Variants in PLEKHG5 observed in about 807,000 individuals in gnomAD.
PLEKHG5 encodes pleckstrin homology domain-containing family G member 5.
In PLEKHG5, 52 loss-of-function variants were observed where a neutral mutation model predicts 103.8. That is an observed-to-expected ratio of 0.50 (90% CI 0.40 to 0.63). The LOEUF is 0.63. Among genes scored for constraint, PLEKHG5 ranks in the 30% least tolerant of loss-of-function variants. PLEKHG5 has a pLI of 0.00. For synonymous variants in PLEKHG5, 592 were observed against 575.5 expected (o/e 1.03, Z -0.41); for missense variants, 1,205 against 1,347.6 (o/e 0.89, Z 1.66).
Position 6,475,940 on chromosome 1 carries a change from T to C in PLEKHG5, c.140A>G (p.Asp47Gly). 5 of 1,613,630 alleles carry C rather than the reference T, an allele frequency of 3.1e-6. No individual in the cohort carries two copies. Among genetic ancestry groups the C allele is most frequent in the Non-Finnish European group, 4.2e-6 (5 of 1,179,644 alleles). Reference protein sequence around the residue: ...LEEEEEESSVDGKGDRKSTGL... With the variant: ...LEEEEEESSVGGKGDRKSTGL... ...CTCATCCCTCACCTACCCTTTGCCA[T>C]CCACAGAGCTCTCCTCCTCCTCCTC... is the stretch of plus-strand genomic sequence containing the variant. The change falls in exon 3 of 21, where the codon GAT becomes GGT. Residue 47 changes from aspartate (D) to glycine (G), a missense_variant. Physicochemically the swap from Asp to Gly is moderately conservative, Grantham distance 94 (BLOSUM62 -1). Transcript: ENST00000377728.
upstream of PLEKHG5, chr1:6,497,271 G>GC: frequency 4.4e-6 from 4 of 910,810 alleles, no homozygotes; most frequent in East Asian, 2.8e-5. This position sits in a 1 kb window ranked among gnomAD's most constrained non-coding sequence, Gnocchi z 6.1. Flanking sequence ...AGCCGGCCCG[G>GC]CCCCCCAGGA....
chr1:6,475,898 A>T (rs750347984), intron 3 of PLEKHG5, 33 bp downstream of exon 3: 5 of 1,546,480 alleles, frequency 3.2e-6, no homozygotes, highest in Non-Finnish European at 3.6e-6. Context: ...GGGGCCCTCC[A>T]GGTATCTCTC....
intron 1 of PLEKHG5, chr1:6,485,184 C>T (rs1644997581): frequency 3.6e-6 from 2 of 551,278 alleles, no homozygotes; most frequent in South Asian, 6.9e-5. Context: ...GGCTCGGCCG[C>T]CATGGGCCGC....
Position 6,501,853 on chromosome 1 carries a change from C to T in PLEKHG5, c.-164-5284G>A, listed in dbSNP as rs1481475693. Among the ~76,000 whole-genome samples the T allele has an allele frequency of 6.6e-6, 1 of 152,220 alleles. No individual in the cohort carries two copies. Among genetic ancestry groups the T allele is most frequent in the African/African-American group, 2.4e-5 (1 of 41,458 alleles). On this transcript the variant is annotated intron_variant, in intron 1 of 21. Coordinates refer to the PLEKHG5 transcript ENST00000377740. This position sits in a 1 kb window ranked among gnomAD's most constrained non-coding sequence, Gnocchi z 4.3. ...CACTGGTCCCAGGCTGACACAAGTG[C>T]ATGGAAAACCACCTCGTTCTCATTT...
At chr1:6,483,057 G>C (rs1644941978) in intron 1 of PLEKHG5, among the ~76,000 whole-genome samples, 1 of 152,262 alleles carries the variant, frequency 6.6e-6, no homozygotes. Context: ...GGGTGTCTTA[G>C]GAGCGAGAGG....
In PLEKHG5 at chr1:6,470,791, T is replaced by G. The variant is rs773907311; in HGVS notation, c.1486A>C (p.Lys496Gln). Residue 496 changes from lysine to glutamine, a missense_variant, in exon 14 of 21, where the codon AAG (lysine) becomes CAG (glutamine). Lys to Gln is a moderately conservative substitution (Grantham distance 53, BLOSUM62 1). Transcript: ENST00000377728. ...TCCTCGGTCTTCCTCAGCACCGACTTGAGCAGCAGCGGGTACTTGGTGAGC... is the reference window on the plus strand; with the variant it reads ...TCCTCGGTCTTCCTCAGCACCGACTGGAGCAGCAGCGGGTACTTGGTGAGC... ...QRLTKYPLLL[K>Q]SVLRKTEEPR... 1 of 1,574,124 alleles carries G rather than the reference T, an allele frequency of 6.4e-7. No homozygotes were observed. Among genetic ancestry groups the G allele is most frequent in the Admixed American group, 1.8e-5 (1 of 54,198 alleles).
At position 6,515,565 on chromosome 1, in the gene PLEKHG5, A is replaced by ACCTATAAT. The variant is rs1638590448; in HGVS notation, c.-165+3872_-165+3879dup. Reference sequence around the variant, plus strand: ...TATGAGGTTGGGCATGGTTGTTCACACCTATAATCCCAGCACTTGGGAAGG... The same window carrying ACCTATAAT: ...TATGAGGTTGGGCATGGTTGTTCACACCTATAATCCTATAATCCCAGCACTTGGGAAGG... On this transcript the variant is annotated intron_variant, in intron 1 of 21. Transcript: ENST00000377740. 2.0e-5 allele frequency among the ~76,000 whole-genome samples: 3 copies of ACCTATAAT among 151,682 alleles called. No homozygotes were observed. In the East Asian group the frequency reaches 5.8e-4, roughly 29 times the overall value.
chr1:6,472,472 C>G, intron 10 of PLEKHG5, 55 bp downstream of exon 10: 1 of 1,210,580 alleles, frequency 8.3e-7, no homozygotes. Flanking sequence ...CAGCTGAGGG[C>G]TGTCAGAAAG....
intron 2 of PLEKHG5, among the ~76,000 whole-genome samples, chr1:6,476,646 T>C (rs986758578): frequency 6.6e-6 from 1 of 152,196 alleles, no homozygotes; most frequent in Non-Finnish European, 1.5e-5. Context: ...TCTGAGGTTA[T>C]TACAGGAAGG....
chr1:6,483,641 G>A (rs1031383542), intron 1 of PLEKHG5, among the ~76,000 whole-genome samples: 2 of 152,148 alleles, frequency 1.3e-5, no homozygotes, highest in African/African-American at 4.8e-5. Flanking sequence ...CTCCAGCCTG[G>A]GCGACACAGT....
intron 1 of PLEKHG5, among the ~76,000 whole-genome samples, chr1:6,515,135 CT>C (rs139725253): frequency 0.045 from 6,848 of 152,290 alleles, 463 homozygotes; most frequent in African/African-American, 0.14. Flanking sequence ...AGACAATGTG[CT>C]AAATGCTTTG....
At chr1:6,496,649 G>C, upstream of PLEKHG5, 2 of 1,034,592 alleles carry the variant, frequency 1.9e-6, no homozygotes, top group Non-Finnish European at 2.7e-6. Context: ...AACCGGAGGA[G>C]GGGTGGGGTG....
At chr1:6,496,899 G>T, upstream of PLEKHG5, 1 of 1,395,156 alleles carries the variant, frequency 7.2e-7, no homozygotes, top group Non-Finnish European at 9.4e-7. Context: ...TTCCCAGGGG[G>T]TCCCGGCAGG....
intron 1 of PLEKHG5, among the ~76,000 whole-genome samples, chr1:6,479,890 C>T (rs1274118760): frequency 1.3e-5 from 2 of 152,186 alleles, no homozygotes; most frequent in Non-Finnish European, 2.9e-5. Context: ...GGATTATAGG[C>T]ATGAGCCACT....
At chr1:6,472,337 A>C (rs1644615836) in intron 10 of PLEKHG5, among the ~76,000 whole-genome samples, 190 bp downstream of exon 10, 1 of 152,174 alleles carries the variant, frequency 6.6e-6, no homozygotes, top group South Asian at 2.1e-4. Context: ...GAACCTGACA[A>C]ACCTGCCCGA....
chr1:6,488,431 C>A (rs999341238), intron 1 of PLEKHG5, among the ~76,000 whole-genome samples: 1 of 152,188 alleles, frequency 6.6e-6, no homozygotes, highest in African/African-American at 2.4e-5. Flanking sequence ...CCTGAAGACA[C>A]GGCAGATCCC....
Position 6,467,551 on chromosome 1 carries a change from G to T in PLEKHG5, c.*12C>A, listed in dbSNP as rs771326239. The T allele has an allele frequency of 6.2e-7, 1 of 1,613,182 alleles. No homozygotes were observed. Among genetic ancestry groups the T allele is most frequent in the Non-Finnish European group, 8.5e-7 (1 of 1,179,544 alleles). ...CTCTTGGTCAATGGCACTCTTGGGG[G>T]CCTCCCTCTGCTCAGACCTCCCTAC... On this transcript the variant is annotated 3_prime_UTR_variant, in exon 21 of 21. Transcript: ENST00000377728.
chr1:6,479,185 A>G (rs1458481040), intron 1 of PLEKHG5, among the ~76,000 whole-genome samples: 1 of 151,446 alleles, frequency 6.6e-6, no homozygotes, highest in African/African-American at 2.4e-5. Context: ...CTATATTGAC[A>G]TTTTCCCAAG....
chr1:6,471,803 G>T lies in PLEKHG5; in HGVS notation c.1086C>A (p.Phe362Leu). ...CTTGCAGGTTCAGGAGGCAGCACAG[G>T]AACAGCTGTGGGATCAGGGGATGGT... ...IRKLRVIINL[F>L]LCCLLNLQES... The change falls in exon 11 of 21, where the codon TTC becomes TTA. Residue 362 changes from phenylalanine (F) to leucine (L), a missense_variant. By Grantham distance (22) the Phe-to-Leu change is conservative (BLOSUM62 0). Coordinates refer to ENST00000377728, the MANE Select transcript of PLEKHG5 (RefSeq NM_020631.6). 6.2e-7 allele frequency: 1 copy of T among 1,608,142 alleles called. No homozygotes were observed. Among genetic ancestry groups the T allele is most frequent in the Non-Finnish European group, 8.5e-7 (1 of 1,177,454 alleles).
Sources: allele counts gnomAD v4.1 joint callset (sites outside exome capture counted in the v4.1 genomes callset), GRCh38; gene constraint gnomAD v4.1.1; non-coding constraint Gnocchi (gnomAD v3.1); transcripts MANE v1.5; gene names NCBI Gene and HGNC (gene_info 2026-07-23, HGNC 2026-07-21).